CSGALNACT2: variants seen among roughly 807,000 people sequenced by gnomAD.
The protein encoded by CSGALNACT2 is chondroitin sulfate N-acetylgalactosaminyltransferase 2, also known as beta 4 GalNAcT-2.
In CSGALNACT2, 35 loss-of-function variants were observed where a neutral mutation model predicts 55.3. That is an observed-to-expected ratio of 0.63 (90% CI 0.48 to 0.84). CSGALNACT2 has a LOEUF of 0.84. Among genes scored for constraint, CSGALNACT2 ranks in the 40% least tolerant of loss-of-function variants. The pLI, the probability that CSGALNACT2 is intolerant of heterozygous loss-of-function variation, is 0.00. For synonymous variants in CSGALNACT2, 196 were observed against 224.9 expected (o/e 0.87, Z 1.15); for missense variants, 544 against 657.5 (o/e 0.83, Z 1.89).
intron 7 of CSGALNACT2, among the ~76,000 whole-genome samples, chr10:43,178,710 T>A (rs530626373): frequency 6.6e-6 from 1 of 152,262 alleles, no homozygotes; most frequent in African/African-American, 2.4e-5. Flanking sequence ...TGTTATTTTT[T>A]ATCGTTTTTT....
intron 1 of CSGALNACT2, among the ~76,000 whole-genome samples, chr10:43,146,678 T>C (rs1245058626): frequency 6.6e-6 from 1 of 150,866 alleles, no homozygotes; most frequent in African/African-American, 2.4e-5. Context: ...CATTGAGCTA[T>C]AATATGATAG....
intron 6 of CSGALNACT2, among the ~76,000 whole-genome samples, chr10:43,168,206 A>G (rs2133137898): frequency 6.6e-6 from 1 of 152,316 alleles, no homozygotes; most frequent in South Asian, 2.1e-4. Context: ...TAATCCCAGC[A>G]CTTTGGGAGG....
At chr10:43,142,065 T>C (rs1311475895) in intron 1 of CSGALNACT2, among the ~76,000 whole-genome samples, 1 of 152,236 alleles carries the variant, frequency 6.6e-6, no homozygotes, top group Non-Finnish European at 1.5e-5. Flanking sequence ...ATTTATTTTG[T>C]GAAATTTTTA....
intron 1 of CSGALNACT2, among the ~76,000 whole-genome samples, chr10:43,150,869 A>G (rs1838860511): frequency 6.6e-6 from 1 of 152,180 alleles, no homozygotes; most frequent in Non-Finnish European, 1.5e-5. Flanking sequence ...CACAGAGCTT[A>G]TCAATGCTTT....
intron 7 of CSGALNACT2, among the ~76,000 whole-genome samples, chr10:43,178,383 G>A (rs1367601505): frequency 6.6e-6 from 1 of 152,152 alleles, no homozygotes; most frequent in Non-Finnish European, 1.5e-5. Context: ...AGCACTTTGG[G>A]AGGCCGAGGC....
Position 43,163,934 on chromosome 10 carries a change from A to C in CSGALNACT2, c.1049A>C (p.Asn350Thr), listed in dbSNP as rs150570979. ...NEEFNRGRGLNVGARAWDKGE... is the reference protein window; with the variant it reads ...NEEFNRGRGLTVGARAWDKGE... ...GAATTTAATCGTGGACGAGGACTAAATGTGGGTGCCCGAGCTTGGGACAAG... is the reference window on the plus strand; with the variant it reads ...GAATTTAATCGTGGACGAGGACTAACTGTGGGTGCCCGAGCTTGGGACAAG... Residue 350 changes from asparagine to threonine, a missense_variant, in exon 5 of 8, where the codon AAT (asparagine) becomes ACT (threonine). Physicochemically the swap from Asn to Thr is moderately conservative, Grantham distance 65 (BLOSUM62 0). Around this residue, in one of 2 missense-constraint regions of CSGALNACT2, gnomAD observed 170 missense variants for 256.2 expected, o/e 0.66. Transcript: ENST00000374466. The C allele has an allele frequency of 6.1e-5, 99 of 1,614,042 alleles. No homozygotes were observed. Among genetic ancestry groups the C allele is most frequent in the Non-Finnish European group, 8.1e-5 (95 of 1,180,024 alleles).
chr10:43,150,364 A>G (rs1838850384), intron 1 of CSGALNACT2, among the ~76,000 whole-genome samples: 2 of 152,198 alleles, frequency 1.3e-5, no homozygotes, highest in Admixed American at 1.3e-4. Flanking sequence ...GTATAAATCC[A>G]TATTCCTTTC....
Position 43,155,499 on chromosome 10 carries a change from C to A in CSGALNACT2, c.350C>A (p.Pro117His), listed in dbSNP as rs1239113684. Residue 117 changes from proline to histidine, a missense_variant, in exon 2 of 8, where the codon CCT becomes CAT. This residue lies in a region of CSGALNACT2 where 374 missense variants were observed against 401.3 expected (regional missense o/e 0.93). Coordinates refer to ENST00000374466, the MANE Select transcript of CSGALNACT2 (RefSeq NM_018590.5). Reference protein sequence around the residue: ...IGYQSNKEQAPSDLLEFLHSQ... With the variant: ...IGYQSNKEQAHSDLLEFLHSQ... Reference sequence around the variant, plus strand: ...TATCAGAGCAACAAAGAGCAAGCACCTAGTGATCTTTTAGAGTTTCTTCAT... The same window carrying A: ...TATCAGAGCAACAAAGAGCAAGCACATAGTGATCTTTTAGAGTTTCTTCAT... The A allele has an allele frequency of 6.2e-7, 1 of 1,614,208 alleles. No homozygotes were observed. Among genetic ancestry groups the A allele is most frequent in the Non-Finnish European group, 8.5e-7 (1 of 1,180,042 alleles).
At chr10:43,150,589 T>C (rs1168768855) in intron 1 of CSGALNACT2, among the ~76,000 whole-genome samples, 1 of 152,266 alleles carries the variant, frequency 6.6e-6, no homozygotes, top group African/African-American at 2.4e-5. Flanking sequence ...TCTGTCATTA[T>C]TATCTTTTGT....
intron 1 of CSGALNACT2, among the ~76,000 whole-genome samples, chr10:43,145,008 TC>T (rs1183765928): frequency 6.6e-6 from 1 of 152,232 alleles, no homozygotes; most frequent in Non-Finnish European, 1.5e-5. Flanking sequence ...TAAGCAGTGT[TC>T]CATTGTGTAT....
chr10:43,178,402 C>T (rs1032698039), intron 7 of CSGALNACT2, among the ~76,000 whole-genome samples: 8 of 152,112 alleles, frequency 5.3e-5, no homozygotes, highest in Admixed American at 5.2e-4. Context: ...GCGGGCAGAT[C>T]ACGAGGTCAG....
In CSGALNACT2 at chr10:43,163,871, C is replaced by T. The variant is rs774903754; in HGVS notation, c.986C>T (p.Ser329Phe). 3.1e-6 allele frequency: 5 copies of T among 1,612,058 alleles called. No homozygotes were observed. In the East Asian group the frequency reaches 1.1e-4, roughly 36 times the overall value. The change falls in exon 5 of 8, where the codon TCT (serine) becomes TTT (phenylalanine). Residue 329 changes from serine (S) to phenylalanine (F), a missense_variant. This residue lies in a region of CSGALNACT2 where 374 missense variants were observed against 401.3 expected (regional missense o/e 0.93). Transcript: ENST00000374466. ...TGTGTGTGCTTTCCTCATAGTGAGT[C>T]TAATTTTCACAATTACACCTTGGTC... is the stretch of plus-strand genomic sequence containing the variant. ...KSILESVTSE[S>F]NFHNYTLVSL...
At chr10:43,158,323 A>G (rs531746226) in intron 2 of CSGALNACT2, among the ~76,000 whole-genome samples, 1 of 152,228 alleles carries the variant, frequency 6.6e-6, no homozygotes, top group African/African-American at 2.4e-5. Flanking sequence ...ACACGAAGGC[A>G]CTCGATTTCT....
Position 43,155,068 on chromosome 10 carries a change from G to T in CSGALNACT2, c.-82G>T. On this transcript the variant is annotated 5_prime_UTR_variant, in exon 2 of 8. Transcript: ENST00000374466. ...ATTATTTTATGGAAATTCTGATTTT[G>T]TTTTTAATTTTTGATAACTTTTTAC... 8.5e-7 allele frequency: 1 copy of T among 1,170,772 alleles called. No individual in the cohort carries two copies. The highest frequency in any genetic ancestry group is 1.5e-5 in the African/African-American group (1 of 64,782). 72.5% of individuals were successfully genotyped at this position (1,170,772 alleles called of 1,614,324 possible).
At position 43,157,568 on chromosome 10, in the gene CSGALNACT2, C is replaced by T. The variant is rs146317809; in HGVS notation, c.662-1147C>T. On this transcript the variant is annotated intron_variant, in intron 2 of 7. Coordinates refer to ENST00000374466, the MANE Select transcript of CSGALNACT2 (RefSeq NM_018590.5). Reference sequence around the variant, plus strand: ...ACCTGTACATTCATACTGCTTGTCACAGTATGTGGCATTGCCCATTTCCTG... The same window carrying T: ...ACCTGTACATTCATACTGCTTGTCATAGTATGTGGCATTGCCCATTTCCTG... Among the ~76,000 whole-genome samples the T allele has an allele frequency of 4.6e-5, 7 of 152,264 alleles. No homozygotes were observed. The East Asian group carries it at 1.2e-3, about 25-fold the overall frequency.
At chr10:43,143,538 G>GT (rs1564508134) in intron 1 of CSGALNACT2, among the ~76,000 whole-genome samples, 4 of 125,868 alleles carry the variant, frequency 3.2e-5, no homozygotes, top group Admixed American at 8.0e-5. Context: ...TGTGTGTGTG[G>GT]AATCATAATA....
intron 7 of CSGALNACT2, among the ~76,000 whole-genome samples, chr10:43,180,874 G>C (rs754628669): frequency 9.2e-5 from 14 of 152,130 alleles, no homozygotes; most frequent in Non-Finnish European, 1.8e-4. Flanking sequence ...TGACTAGAAG[G>C]GGCTCTAGTT....
intron 2 of CSGALNACT2, among the ~76,000 whole-genome samples, chr10:43,156,042 T>TA (rs1398151760): frequency 6.6e-6 from 1 of 152,188 alleles, no homozygotes; most frequent in Non-Finnish European, 1.5e-5. Context: ...GAGATCATAA[T>TA]AAAAATGGAG....
intron 7 of CSGALNACT2, among the ~76,000 whole-genome samples, chr10:43,180,926 C>T (rs1839577718): frequency 6.6e-6 from 1 of 152,184 alleles, no homozygotes; most frequent in Non-Finnish European, 1.5e-5. Flanking sequence ...ACTGATAAAA[C>T]CCCAGCAGGT....
Sources: allele counts gnomAD v4.1 joint callset (sites outside exome capture counted in the v4.1 genomes callset), GRCh38; gene constraint gnomAD v4.1.1; regional missense constraint gnomAD v4.1.1; transcripts MANE v1.5; gene names NCBI Gene and HGNC (gene_info 2026-07-23, HGNC 2026-07-21).